STK3: variants seen among roughly 807,000 people sequenced by gnomAD.
STK3 encodes the protein serine/threonine kinase 3, also known as serine/threonine-protein kinase 3.
A neutral mutation model predicts 58.0 loss-of-function variants in STK3; 41 were observed. The observed-to-expected ratio is 0.71, with a 90% CI of 0.55 to 0.92. The LOEUF (loss-of-function observed/expected upper bound fraction) is 0.92, where lower values mean the gene tolerates loss of function less well. STK3 is among the 40% of genes least tolerant of loss of function. The pLI is 0.00. For synonymous variants in STK3, 170 were observed against 191.0 expected (o/e 0.89, Z 0.91); for missense variants, 479 against 602.7 (o/e 0.79, Z 2.15).
At chr8:98,623,745 T>G (rs1734269716) in intron 6 of STK3, among the ~76,000 whole-genome samples, 1 of 152,100 alleles carries the variant, frequency 6.6e-6, no homozygotes, top group Non-Finnish European at 1.5e-5. Flanking sequence ...GATCACACCA[T>G]GACATTCCAG....
chr8:98,566,652 A>T (rs940870921), intron 8 of STK3, among the ~76,000 whole-genome samples: 2 of 152,102 alleles, frequency 1.3e-5, no homozygotes, highest in Non-Finnish European at 2.9e-5. Context: ...CTGTGTCATT[A>T]TTTGCTCCAC....
upstream of STK3, among the ~76,000 whole-genome samples, chr8:98,391,044 G>A (rs1372640916): frequency 6.6e-6 from 1 of 152,164 alleles, no homozygotes. Context: ...GGCATCCGTT[G>A]ACTGCTTTTT....
At chr8:98,349,271 T>C in the STK3 span, among the ~76,000 whole-genome samples, 1 of 152,090 alleles carries the variant, frequency 6.6e-6, no homozygotes, top group African/African-American at 2.4e-5. Flanking sequence ...AGGAGAGGTA[T>C]AGAGGATTTG....
At chr8:98,894,900 A>T (rs976668372) in intron 1 of STK3, among the ~76,000 whole-genome samples, 1 of 152,224 alleles carries the variant, frequency 6.6e-6, no homozygotes, top group African/African-American at 2.4e-5. Flanking sequence ...AAAGGTGTTC[A>T]ATAAAAATCT....
chr8:98,410,661 T>A (rs1251152419), intron 3 of STK3, among the ~76,000 whole-genome samples: 1 of 152,188 alleles, frequency 6.6e-6, no homozygotes, highest in Non-Finnish European at 1.5e-5. Context: ...GTGATTGAAT[T>A]AATAGTATTA....
intron 1 of STK3, among the ~76,000 whole-genome samples, chr8:98,796,490 C>T (rs2515214): frequency 0.7 from 106,846 of 152,076 alleles, 38,411 homozygotes; most frequent in African/African-American, 0.85. Flanking sequence ...AAGATTTAAA[C>T]AGAAGACCTC....
intron 3 of STK3, among the ~76,000 whole-genome samples, chr8:98,394,326 G>A (rs1025085328): frequency 5.9e-5 from 9 of 152,110 alleles, no homozygotes; most frequent in Non-Finnish European, 1.0e-4. Flanking sequence ...AGGCTACTCT[G>A]ATTGAACTTT....
At chr8:98,346,363 C>A in the STK3 span, among the ~76,000 whole-genome samples, 1 of 150,662 alleles carries the variant, frequency 6.6e-6, no homozygotes, top group Admixed American at 6.6e-5. Context: ...CATTGGAGCA[C>A]CAAAGGAGAG....
chr8:98,682,132 GCATCTACATATGTTCA>G (rs543610848), intron 6 of STK3, among the ~76,000 whole-genome samples: 115 of 152,300 alleles, frequency 7.6e-4, no homozygotes, highest in African/African-American at 2.7e-3. Context: ...AAATAGAAAA[GCATCTACATATGTTCA>G]AGAAGCTTGT....
At chr8:98,477,220 G>A (rs1821392424) in intron 10 of STK3, among the ~76,000 whole-genome samples, 1 of 152,118 alleles carries the variant, frequency 6.6e-6, no homozygotes, top group Non-Finnish European at 1.5e-5. Context: ...AGTAAATTCA[G>A]TATATAAGTT....
At chr8:98,645,067 G>C (rs764182802) in intron 6 of STK3, among the ~76,000 whole-genome samples, 4 of 152,136 alleles carry the variant, frequency 2.6e-5, no homozygotes, top group African/African-American at 4.8e-5. Flanking sequence ...AATTAGAACA[G>C]TTATTAGTAC....
At chr8:98,485,703 T>C (rs1822200892) in intron 10 of STK3, among the ~76,000 whole-genome samples, 4 of 152,266 alleles carry the variant, frequency 2.6e-5, no homozygotes, top group Middle Eastern at 3.4e-3. Context: ...AGTAGGAGGC[T>C]GCCATGTACA....
chr8:98,471,354 TTTC>T (rs1351438621), intron 10 of STK3, among the ~76,000 whole-genome samples: 1 of 149,682 alleles, frequency 6.7e-6, no homozygotes, highest in Non-Finnish European at 1.5e-5. Context: ...TTTTTTTCCT[TTTC>T]TTTTTTTTTT....
intron 6 of STK3, among the ~76,000 whole-genome samples, chr8:98,636,236 G>C (rs1331211415): frequency 1.3e-5 from 2 of 151,928 alleles, no homozygotes; most frequent in Non-Finnish European, 2.9e-5. Flanking sequence ...AGGTTAAATT[G>C]GGCATGGTAA....
At chr8:98,688,352 T>C (rs942646994) in intron 6 of STK3, among the ~76,000 whole-genome samples, 1 of 152,060 alleles carries the variant, frequency 6.6e-6, no homozygotes, top group African/African-American at 2.4e-5. Context: ...CTGACAGCAT[T>C]AGACTGATTA....
At chr8:98,661,332 C>T (rs979306490) in intron 6 of STK3, among the ~76,000 whole-genome samples, 1 of 152,030 alleles carries the variant, frequency 6.6e-6, no homozygotes, top group Non-Finnish European at 1.5e-5. Flanking sequence ...ACTCTTATAA[C>T]TTGATTATTT....
chr8:98,717,649 C>A (rs1313597487), intron 4 of STK3, among the ~76,000 whole-genome samples: 1 of 151,642 alleles, frequency 6.6e-6, no homozygotes, highest in African/African-American at 2.4e-5. Flanking sequence ...ACCTTTTGAC[C>A]CAGCAATTCC....
At position 98,428,387 on chromosome 8, in the gene STK3, C is replaced by G; in HGVS notation, n.483+5740G>C. The G allele has an allele frequency of 6.2e-7, 1 of 1,614,162 alleles. No individual in the cohort carries two copies. Among genetic ancestry groups the G allele is most frequent in the Non-Finnish European group, 8.5e-7 (1 of 1,180,036 alleles). ...TAGAGCCCGAGCAGGAGAAGTGGGA[C>G]GAGCAGAGTGACCAGGAGAGCACCA... On this transcript the variant is annotated intron_variant and non_coding_transcript_variant, in intron 3 of 3. Coordinates refer to the STK3 transcript ENST00000517832. The surrounding 1 kb of genome is among the most constrained non-coding windows in gnomAD (Gnocchi z 6.7).
chr8:98,543,104 G>A (rs186334018), intron 9 of STK3, among the ~76,000 whole-genome samples: 91 of 152,298 alleles, frequency 6.0e-4, no homozygotes, highest in African/African-American at 1.9e-3. Context: ...GGGGTTGATA[G>A]AGGAAGCAAC....
Sources: gnomAD v4.1 joint callset for allele counts (sites outside exome capture counted in the v4.1 genomes callset) on GRCh38, gnomAD v4.1.1 for gene constraint, Gnocchi (gnomAD v3.1) non-coding constraint, MANE v1.5 for transcripts, NCBI Gene and HGNC (gene_info 2026-07-23, HGNC 2026-07-21) for gene names.